DOK1: variants seen among roughly 807,000 people sequenced by gnomAD.
The protein encoded by DOK1 is docking protein 1.
DOK1 carries 12 observed loss-of-function variants against 24.0 expected under a neutral mutation model. That is an observed-to-expected ratio of 0.50 (90% CI 0.32 to 0.81). The LOEUF (loss-of-function observed/expected upper bound fraction) is 0.81. DOK1 is among the 30% of genes least tolerant of loss of function. The pLI, the probability that DOK1 is intolerant of heterozygous loss-of-function variation, is 0.03. For synonymous variants in DOK1, 250 were observed against 260.9 expected (o/e 0.96, Z 0.40); for missense variants, 591 against 620.7 (o/e 0.95, Z 0.51).
Position 74,549,530 on chromosome 2 carries a change from C to T in DOK1, c.-358+358C>T. On this transcript the variant is annotated intron_variant, in intron 1 of 4. Coordinates refer to the DOK1 transcript ENST00000409429. This position sits in a 1 kb window ranked among gnomAD's most constrained non-coding sequence, Gnocchi z 5.3. ...CCGTCACGGGCAGGGGTCGTCTGCC[C>T]CACCCAACGGCGGGTCGAATTCGCA... 1 of 1,613,104 alleles carries T rather than the reference C, an allele frequency of 6.2e-7. No individual in the cohort carries two copies. Among genetic ancestry groups the T allele is most frequent in the Non-Finnish European group, 8.5e-7 (1 of 1,179,356 alleles).
Position 74,556,069 on chromosome 2 carries a change from C to G in DOK1, c.630C>G (p.Gly210=). The G allele has an allele frequency of 6.3e-7, 1 of 1,593,944 alleles. No homozygotes were observed. The highest frequency in any genetic ancestry group is 2.2e-5 in the East Asian group (1 of 44,712). ...SWPYTLLRRY[G]RDKVMFSFEA... ...CCTACACTCTGTTGCGTCGCTATGGCCGGGACAAGGTGCAGGGGCTGTCCG... is the reference window on the plus strand; with the variant it reads ...CCTACACTCTGTTGCGTCGCTATGGGCGGGACAAGGTGCAGGGGCTGTCCG... Residue 210 remains glycine, a synonymous_variant, in exon 4 of 5, where the codon GGC becomes GGG. Transcript: ENST00000233668. The surrounding 1 kb of genome is among the most constrained non-coding windows in gnomAD (Gnocchi z 4.1).
In DOK1 at chr2:74,555,153, G is replaced by C; in HGVS notation, c.61-1G>C. ...CTCGAGCACTCTCTCTCTCTCCCTA[G>C]AGGTGGAGGAAGACCTGGGCCGTGC... On this transcript the variant is annotated splice_acceptor_variant, in intron 1 of 4. Coordinates refer to ENST00000233668, the MANE Select transcript of DOK1 (RefSeq NM_001381.5). LOFTEE classifies it high-confidence loss of function. This position sits in a 1 kb window ranked among gnomAD's most constrained non-coding sequence, Gnocchi z 6.1. 1 of 1,610,514 alleles carries C rather than the reference G, an allele frequency of 6.2e-7. No homozygotes were observed. Among genetic ancestry groups the C allele is most frequent in the Non-Finnish European group, 8.5e-7 (1 of 1,178,528 alleles).
Position 74,556,581 on chromosome 2 carries a change from A to G in DOK1, c.913A>G (p.Ile305Val), listed in dbSNP as rs142941061. ...LYAEPLDSLR[I>V]APCPSQDSLY... ...TGCTGAGCCCTTAGACTCCCTGCGC[A>G]TTGCTCCATGCCCTTCCCAGGACTC... Residue 305 changes from isoleucine to valine, a missense_variant, in exon 5 of 5, where the codon ATT becomes GTT. Ile to Val is a conservative substitution (Grantham distance 29). Coordinates refer to ENST00000233668, the MANE Select transcript of DOK1 (RefSeq NM_001381.5). This position sits in a 1 kb window ranked among gnomAD's most constrained non-coding sequence, Gnocchi z 4.1. 6.2e-7 allele frequency: 1 copy of G among 1,613,984 alleles called. No individual in the cohort carries two copies. Among genetic ancestry groups the G allele is most frequent in the South Asian group, 1.1e-5 (1 of 91,086 alleles).
upstream of DOK1, chr2:74,554,432 C>G (rs1677242031): frequency 2.4e-6 from 1 of 413,754 alleles, no homozygotes; most frequent in African/African-American, 2.1e-5. The surrounding 1 kb of genome is among the most constrained non-coding windows in gnomAD (Gnocchi z 4.9). Context: ...GGCTTTCACT[C>G]TGACGTCACC....
chr2:74,553,433 T>A (rs1310840669), upstream of DOK1, among the ~76,000 whole-genome samples: 3 of 152,032 alleles, frequency 2.0e-5, no homozygotes, highest in Non-Finnish European at 2.9e-5. Context: ...TGGGGTAGGG[T>A]TGTCCCAGCC....
chr2:74,556,216 CTCT>C lies in DOK1; in HGVS notation c.640-87_640-85del, dbSNP rs1677453722. 17 of 1,541,458 alleles carry C rather than the reference CTCT, an allele frequency of 1.1e-5. No individual in the cohort carries two copies. Among genetic ancestry groups the C allele is most frequent in the East Asian group, 2.3e-5 (1 of 44,222 alleles). ...GACCCCGCGTCTGTTCGCAGGTGGT[CTCT>C]TCTTTGTAGATACCCTAACTAGTGC... is the stretch of plus-strand genomic sequence containing the variant. On this transcript the variant is annotated intron_variant, in intron 4 of 4. Coordinates refer to ENST00000233668, the MANE Select transcript of DOK1 (RefSeq NM_001381.5). The surrounding 1 kb of genome is among the most constrained non-coding windows in gnomAD (Gnocchi z 4.1).
At position 74,557,131 on chromosome 2, in the gene DOK1, G is replaced by A; in HGVS notation, c.*17G>A. On this transcript the variant is annotated 3_prime_UTR_variant, in exon 5 of 5. Coordinates refer to ENST00000233668, the MANE Select transcript of DOK1 (RefSeq NM_001381.5). ...TCTACCTGAGAAGGACGGCAAGGCTGAGGTGGCTAAGGGGGACCATGGGGA... is the reference window on the plus strand; with the variant it reads ...TCTACCTGAGAAGGACGGCAAGGCTAAGGTGGCTAAGGGGGACCATGGGGA... 1 of 1,595,950 alleles carries A rather than the reference G, an allele frequency of 6.3e-7. No homozygotes were observed. Among genetic ancestry groups the A allele is most frequent in the Admixed American group, 1.7e-5 (1 of 58,928 alleles).
At chr2:74,550,257 C>T (rs141075927), upstream of DOK1, 2,497 of 1,614,194 alleles carry the variant, frequency 1.5e-3, 11 homozygotes, top group Middle Eastern at 8.4e-3. Context: ...CCTCATCGTG[C>T]GTACAGTCAC....
rs770658265 is a variant in DOK1, at chr2:74,555,339, T to A, written c.246T>A (p.Pro82=). The part of the protein sequence containing the change: ...SVAPVTVETP[P]EPGATAFRLD... ...CCCCCGTCACCGTGGAGACCCCCCC[T>A]GAGCCCGGCGCCACTGCCTTCCGCC... The change falls in exon 2 of 5, where the codon CCT becomes CCA. Residue 82 remains proline, a synonymous_variant. Transcript: ENST00000233668. This position sits in a 1 kb window ranked among gnomAD's most constrained non-coding sequence, Gnocchi z 6.1. The A allele has an allele frequency of 1.2e-6, 2 of 1,613,762 alleles. No homozygotes were observed. Among genetic ancestry groups the A allele is most frequent in the African/African-American group, 1.3e-5 (1 of 74,928 alleles).
upstream of DOK1, chr2:74,554,426 T>C (rs1236631532): frequency 5.3e-6 from 2 of 377,466 alleles, no homozygotes; most frequent in African/African-American, 2.2e-5. The surrounding 1 kb of genome is among the most constrained non-coding windows in gnomAD (Gnocchi z 4.9). Context: ...TGTCATGGCT[T>C]TCACTCTGAC....
Position 74,555,332 on chromosome 2 carries a change from C to A in DOK1, c.239C>A (p.Thr80Asn). The part of the protein sequence containing the change: ...CVSVAPVTVE[T>N]PPEPGATAFR... Reference sequence around the variant, plus strand: ...AGTGTGGCCCCCGTCACCGTGGAGACCCCCCCTGAGCCCGGCGCCACTGCC... The same window carrying A: ...AGTGTGGCCCCCGTCACCGTGGAGAACCCCCCTGAGCCCGGCGCCACTGCC... Residue 80 changes from threonine (T) to asparagine (N), a missense_variant, in exon 2 of 5, where the codon ACC becomes AAC. By Grantham distance (65) the Thr-to-Asn change is moderately conservative. Transcript: ENST00000233668. The surrounding 1 kb of genome is among the most constrained non-coding windows in gnomAD (Gnocchi z 6.1). 3 of 1,613,806 alleles carry A rather than the reference C, an allele frequency of 1.9e-6. No individual in the cohort carries two copies. Among genetic ancestry groups the A allele is most frequent in the Non-Finnish European group, 2.5e-6 (3 of 1,179,906 alleles).
chr2:74,549,316 T>G lies in DOK1; in HGVS notation c.-358+144T>G, dbSNP rs977386574. 3 of 1,505,816 alleles carry G rather than the reference T, an allele frequency of 2.0e-6. No homozygotes were observed. The highest frequency in any genetic ancestry group is 2.1e-5 in the Admixed American group (1 of 47,304). The allele number at this position is 1,505,816 out of a possible 1,614,324, so 93.3% of individuals were successfully genotyped here. ...CTCAGATGTCTCCCAAGGCTATTCA[T>G]CAGGGAGCACCCCAATCCCGGCCTG... is the stretch of plus-strand genomic sequence containing the variant. On this transcript the variant is annotated intron_variant, in intron 1 of 4. Coordinates refer to the DOK1 transcript ENST00000409429. The surrounding 1 kb of genome is among the most constrained non-coding windows in gnomAD (Gnocchi z 5.3).
chr2:74,550,934 G>A (rs1251213150), upstream of DOK1, among the ~76,000 whole-genome samples: 3 of 135,400 alleles, frequency 2.2e-5, no homozygotes, highest in African/African-American at 8.1e-5. Context: ...TCTGAAACCT[G>A]TTTTTTTTTT....
upstream of DOK1, chr2:74,552,463 C>T (rs371316114): frequency 1.2e-5 from 19 of 1,613,690 alleles, no homozygotes; most frequent in Admixed American, 5.0e-5. Context: ...TGTATCTCCA[C>T]GCGGCCCTCG....
chr2:74,554,766 A>G lies in DOK1; in HGVS notation c.12A>G (p.Ala4=), dbSNP rs1382559065. 9 of 1,612,850 alleles carry G rather than the reference A, an allele frequency of 5.6e-6. No homozygotes were observed. The highest frequency in any genetic ancestry group is 4.4e-5 in the South Asian group (4 of 91,074). Residue 4 remains alanine, a synonymous_variant, in exon 1 of 5, where the codon GCA becomes GCG. Coordinates refer to ENST00000233668, the MANE Select transcript of DOK1 (RefSeq NM_001381.5). The surrounding 1 kb of genome is among the most constrained non-coding windows in gnomAD (Gnocchi z 4.9). ...AACCGCCGGGGGCCATGGACGGAGC[A>G]GTGATGGAAGGGCCGCTTTTTTTGC... is the stretch of plus-strand genomic sequence containing the variant. MDG[A]VMEGPLFLQS... is the part of the protein sequence containing the mutation.
Position 74,557,482 on chromosome 2 carries a change from G to C in DOK1, c.*368G>C, listed in dbSNP as rs570854189. On this transcript the variant is annotated 3_prime_UTR_variant, in exon 5 of 5. Transcript: ENST00000233668. The stretch of plus-strand genomic sequence containing the variant: ...GGACTGTGCCTGGATCCTTACTCCT[G>C]CATTGTTCTTTGCCAGAGACCTATT... 1 of 201,512 alleles carries C rather than the reference G, an allele frequency of 5.0e-6. No homozygotes were observed. The highest frequency in any genetic ancestry group is 1.4e-4 in the South Asian group (1 of 7,214). 12.5% of individuals were successfully genotyped at this position (201,512 alleles called of 1,614,324 possible).
In DOK1 at chr2:74,549,119, C is replaced by A; in HGVS notation, c.-411C>A. 1 of 368,010 alleles carries A rather than the reference C, an allele frequency of 2.7e-6. No individual in the cohort carries two copies. The highest frequency in any genetic ancestry group is 4.8e-6 in the Non-Finnish European group (1 of 208,644). The allele number at this position is 368,010 out of a possible 1,614,324, so 22.8% of individuals were successfully genotyped here. On this transcript the variant is annotated 5_prime_UTR_variant, in exon 1 of 5. Coordinates refer to the DOK1 transcript ENST00000409429. The surrounding 1 kb of genome is among the most constrained non-coding windows in gnomAD (Gnocchi z 5.3). ...GCCCCGGGGCCGAGGAATCCGCCTG[C>A]CCGCCCAGGCGTCGGCCACGAGAGA...
Position 74,554,748 on chromosome 2 carries a change from G to A in DOK1, c.-7G>A, listed in dbSNP as rs200362897. ...GCCAGGAAGCGCGGAAGGAACCGCC[G>A]GGGGCCATGGACGGAGCAGTGATGG... On this transcript the variant is annotated 5_prime_UTR_variant, in exon 1 of 5. Coordinates refer to ENST00000233668, the MANE Select transcript of DOK1 (RefSeq NM_001381.5). This position sits in a 1 kb window ranked among gnomAD's most constrained non-coding sequence, Gnocchi z 4.9. 3 of 1,612,838 alleles carry A rather than the reference G, an allele frequency of 1.9e-6. No individual in the cohort carries two copies. Among genetic ancestry groups the A allele is most frequent in the African/African-American group, 2.7e-5 (2 of 74,894 alleles).
At position 74,557,176 on chromosome 2, in the gene DOK1, G is replaced by A; in HGVS notation, c.*62G>A. The A allele has an allele frequency of 6.6e-7, 1 of 1,522,820 alleles. No individual in the cohort carries two copies. The highest frequency in any genetic ancestry group is 8.9e-7 in the Non-Finnish European group (1 of 1,126,782). The allele number at this position is 1,522,820 out of a possible 1,614,324, so 94.3% of individuals were successfully genotyped here. A position where few individuals can be genotyped will look rare whatever the true frequency, so the allele number is the denominator to read the frequency against. ...TGGGGAGGTGGCACTAGGGATCAAA[G>A]AAGATGGTTAGAACCAGCAGAAGCC... On this transcript the variant is annotated 3_prime_UTR_variant, in exon 5 of 5. Coordinates refer to ENST00000233668, the MANE Select transcript of DOK1 (RefSeq NM_001381.5).
Sources: gnomAD v4.1 joint callset for allele counts (sites outside exome capture counted in the v4.1 genomes callset) on GRCh38, gnomAD v4.1.1 for gene constraint, Gnocchi (gnomAD v3.1) non-coding constraint, MANE v1.5 for transcripts, NCBI Gene and HGNC (gene_info 2026-07-23, HGNC 2026-07-21) for gene names.